LINGO2: variants seen among roughly 807,000 people sequenced by gnomAD.
LINGO2 encodes leucine-rich repeat and immunoglobulin-like domain-containing nogo receptor-interacting protein 2.
Under a neutral mutation model 30.6 loss-of-function variants are expected in LINGO2, and 14 were observed. That is an observed-to-expected ratio of 0.46 (90% CI 0.30 to 0.72). The LOEUF is 0.72. Among genes scored for constraint, LINGO2 ranks in the 30% least tolerant of loss-of-function variants. LINGO2 has a pLI of 0.07. For missense variants in LINGO2, 729 were observed against 751.7 expected (o/e 0.97, Z 0.35); for synonymous variants, 317 against 288.5 (o/e 1.10, Z -1.00).
At chr9:28,124,171 G>A (rs1407451427) in intron 4 of LINGO2, among the ~76,000 whole-genome samples, 1 of 152,110 alleles carries the variant, frequency 6.6e-6, no homozygotes, top group Non-Finnish European at 1.5e-5. Flanking sequence ...GTAGTCTGAA[G>A]GATACCATAT....
At chr9:29,201,484 C>G in the LINGO2 span, among the ~76,000 whole-genome samples, 1 of 151,938 alleles carries the variant, frequency 6.6e-6, no homozygotes, top group Non-Finnish European at 1.5e-5. Flanking sequence ...ATCAATTAAG[C>G]CATCTATAAC....
At chr9:28,853,771 A>G in the LINGO2 span, among the ~76,000 whole-genome samples, 1 of 151,912 alleles carries the variant, frequency 6.6e-6, no homozygotes, top group African/African-American at 2.4e-5. Context: ...TCATGAGAAC[A>G]GCATATAGGA....
chr9:29,071,732 T>C, the LINGO2 span, among the ~76,000 whole-genome samples: 3 of 151,390 alleles, frequency 2.0e-5, no homozygotes, highest in East Asian at 5.9e-4. Flanking sequence ...ATTGGAGAGA[T>C]GGACATCAGT....
At chr9:28,382,609 A>AAC (rs1821398987) in intron 2 of LINGO2, among the ~76,000 whole-genome samples, 1 of 152,122 alleles carries the variant, frequency 6.6e-6, no homozygotes, top group Non-Finnish European at 1.5e-5. Flanking sequence ...GCAGCTCTTC[A>AAC]ACACCTAAAA....
chr9:27,949,828 A>G lies in LINGO2; in HGVS notation c.844T>C (p.Tyr282His), dbSNP rs765732411. 9 of 1,614,104 alleles carry G rather than the reference A, an allele frequency of 5.6e-6. No homozygotes were observed. In the South Asian group the frequency reaches 8.8e-5, roughly 16 times the overall value. ...GCTTCAATAGTGCTGATGGGATTGT[A>G]GGAGAGGTTAAGGTGAGTCAGGTAT... The change falls in exon 6 of 6, where the codon TAC (tyrosine) becomes CAC (histidine). Residue 282 changes from tyrosine to histidine, a missense_variant. Tyr to His is a moderately conservative substitution (Grantham distance 83). Transcript: ENST00000379992.
At chr9:28,341,196 C>T (rs1038711552) in intron 3 of LINGO2, among the ~76,000 whole-genome samples, 1 of 152,014 alleles carries the variant, frequency 6.6e-6, no homozygotes, top group African/African-American at 2.4e-5. Context: ...TCTCTTACAG[C>T]ACATAACAAA....
intron 4 of LINGO2, among the ~76,000 whole-genome samples, chr9:28,265,788 G>GA (rs1270724662): frequency 1.3e-5 from 2 of 151,900 alleles, no homozygotes; most frequent in Non-Finnish European, 2.9e-5. Flanking sequence ...AATGGCAAAA[G>GA]AAAATGACAT....
the LINGO2 span, among the ~76,000 whole-genome samples, chr9:29,040,873 T>C: frequency 1.1e-4 from 16 of 151,994 alleles, no homozygotes; most frequent in Non-Finnish European, 1.9e-4. Flanking sequence ...AAGATTGTAA[T>C]TCAAATTATA....
At chr9:28,373,942 A>G (rs1423441599) in intron 2 of LINGO2, among the ~76,000 whole-genome samples, 3 of 151,820 alleles carry the variant, frequency 2.0e-5, no homozygotes, top group Admixed American at 2.0e-4. Flanking sequence ...CAAGCATAAT[A>G]ATAATAGCTA....
chr9:28,695,090 A>G, the LINGO2 span, among the ~76,000 whole-genome samples: 1 of 151,816 alleles, frequency 6.6e-6, no homozygotes, highest in African/African-American at 2.4e-5. Context: ...CTCCTGTTAT[A>G]GTACAGAACA....
intron 1 of LINGO2, among the ~76,000 whole-genome samples, chr9:28,504,651 AT>A (rs1392030870): frequency 3.3e-5 from 5 of 151,440 alleles, no homozygotes; most frequent in African/African-American, 7.3e-5. Context: ...AAATATAAAT[AT>A]TTTTATATAT....
intron 1 of LINGO2, among the ~76,000 whole-genome samples, chr9:28,503,885 C>T (rs550225843): frequency 6.6e-6 from 1 of 151,480 alleles, no homozygotes; most frequent in Non-Finnish European, 1.5e-5. Flanking sequence ...AAATAAAAAA[C>T]CAGACAGATT....
At chr9:28,774,491 C>T in the LINGO2 span, among the ~76,000 whole-genome samples, 3 of 151,940 alleles carry the variant, frequency 2.0e-5, no homozygotes, top group Admixed American at 1.3e-4. Flanking sequence ...CATATATATA[C>T]ACACACACAT....
intron 4 of LINGO2, among the ~76,000 whole-genome samples, chr9:28,155,092 A>C (rs1828097449): frequency 6.6e-6 from 1 of 152,232 alleles, no homozygotes. Flanking sequence ...AGACTCATTA[A>C]AGAAAAGATA....
At chr9:28,707,532 C>T in the LINGO2 span, among the ~76,000 whole-genome samples, 1 of 152,082 alleles carries the variant, frequency 6.6e-6, no homozygotes, top group Admixed American at 6.6e-5. Flanking sequence ...CTGAAATAAA[C>T]CTCAAGGAGC....
the LINGO2 span, among the ~76,000 whole-genome samples, chr9:28,867,495 AAAG>A: frequency 1.3e-5 from 2 of 152,034 alleles, no homozygotes. Flanking sequence ...AAAAAAAAAA[AAAG>A]AAGACAAACT....
chr9:28,692,091 T>C, the LINGO2 span, among the ~76,000 whole-genome samples: 2 of 152,104 alleles, frequency 1.3e-5, no homozygotes, highest in South Asian at 4.1e-4. Flanking sequence ...AAATGGATAA[T>C]TATTTATGGT....
chr9:28,778,142 A>G, the LINGO2 span, among the ~76,000 whole-genome samples: 11,893 of 152,144 alleles, frequency 0.078, 1,508 homozygotes, highest in African/African-American at 0.27. Flanking sequence ...ACTCCTACTT[A>G]AGCAAGCAGT....
At chr9:28,829,434 A>C in the LINGO2 span, among the ~76,000 whole-genome samples, 1 of 152,216 alleles carries the variant, frequency 6.6e-6, no homozygotes, top group Non-Finnish European at 1.5e-5. Context: ...TGAGCTGCTA[A>C]AGACCTAAGC....
Sources: allele counts gnomAD v4.1 joint callset (sites outside exome capture counted in the v4.1 genomes callset), GRCh38; gene constraint gnomAD v4.1.1; transcripts MANE v1.5; gene names NCBI Gene and HGNC (gene_info 2026-07-23, HGNC 2026-07-21).